Variants in LDB2 observed in about 807,000 individuals in gnomAD.
LDB2 encodes LIM domain binding 2, also known as LIM domain-binding protein 2.
LDB2 carries 12 observed loss-of-function variants against 44.3 expected under a neutral mutation model. The ratio of observed to expected loss-of-function variants is 0.27; its 90% CI spans 0.17 to 0.44. LDB2 has a LOEUF of 0.44. LDB2 is among the 20% of genes least tolerant of loss of function. The pLI, the probability that LDB2 is intolerant of heterozygous loss-of-function variation, is 1.00. For synonymous variants in LDB2, 164 were observed against 174.8 expected, an observed-to-expected ratio of 0.94 and a Z score of 0.49; for missense variants, 344 against 473.5, an observed-to-expected ratio of 0.73 and a Z score of 2.54.
intron 5 of LDB2, among the ~76,000 whole-genome samples, chr4:16,525,793 G>A (rs1180671902): frequency 6.6e-6 from 1 of 152,198 alleles, no homozygotes; most frequent in Non-Finnish European, 1.5e-5. Context: ...TAGGGAAGAG[G>A]GATATGAAAT....
chr4:16,756,923 A>T (rs1017397858), intron 2 of LDB2, among the ~76,000 whole-genome samples: 2 of 151,044 alleles, frequency 1.3e-5, no homozygotes, highest in African/African-American at 4.9e-5. Context: ...CAGCTAAAAT[A>T]TCTCTTATTA....
chr4:16,562,430 G>A (rs1237026938), intron 5 of LDB2, among the ~76,000 whole-genome samples: 1 of 152,184 alleles, frequency 6.6e-6, no homozygotes, highest in Non-Finnish European at 1.5e-5. Flanking sequence ...CTTCTCAAAA[G>A]AAGACATTTA....
chr4:16,617,291 A>G (rs965475887), intron 2 of LDB2, among the ~76,000 whole-genome samples: 1 of 152,078 alleles, frequency 6.6e-6, no homozygotes, highest in Non-Finnish European at 1.5e-5. Flanking sequence ...TGGAATACTG[A>G]AAACCCTCCC....
chr4:16,522,294 G>GTGTGTGTGTGTGTGTA (rs1553878174), intron 5 of LDB2, among the ~76,000 whole-genome samples: 2 of 152,012 alleles, frequency 1.3e-5, no homozygotes, highest in African/African-American at 2.4e-5. Context: ...GTGTGTGTGT[G>GTGTGTGTGTGTGTGTA]TGTATGTATG....
At chr4:16,546,044 A>G (rs536873072) in intron 5 of LDB2, among the ~76,000 whole-genome samples, 2 of 152,324 alleles carry the variant, frequency 1.3e-5, no homozygotes, top group Middle Eastern at 6.8e-3. Flanking sequence ...ATGCTCATGA[A>G]CCCATTTGTC....
intron 5 of LDB2, among the ~76,000 whole-genome samples, chr4:16,535,374 G>A (rs72619111): frequency 1.3e-5 from 2 of 152,162 alleles, no homozygotes; most frequent in South Asian, 4.2e-4. Flanking sequence ...TTGTTTCTTG[G>A]GTTCTTCAAT....
At chr4:16,868,383 G>T (rs1055282618) in intron 1 of LDB2, among the ~76,000 whole-genome samples, 2 of 152,118 alleles carry the variant, frequency 1.3e-5, no homozygotes, top group Non-Finnish European at 2.9e-5. Flanking sequence ...ATTAACATCT[G>T]CTGACGGGGG....
chr4:16,567,580 C>T (rs962229640), intron 5 of LDB2, among the ~76,000 whole-genome samples: 2 of 152,092 alleles, frequency 1.3e-5, no homozygotes, highest in Admixed American at 1.3e-4. Flanking sequence ...ACCATCCTGG[C>T]TAATGTGGTG....
chr4:16,566,471 A>G (rs1170628533), intron 5 of LDB2, among the ~76,000 whole-genome samples: 2 of 151,616 alleles, frequency 1.3e-5, no homozygotes, highest in Non-Finnish European at 2.9e-5. Context: ...TGTTTGGGCA[A>G]CTGAGTAACT....
rs1722212993 is a variant in LDB2 at position 16,887,864 on chromosome 4, A to G, written c.132+10490T>C. ...ATGTAATCCGAAGAATTCCTATTGA[A>G]TTCTTCAATAGGAATTCTTCAAATC... On this transcript the variant is annotated intron_variant, in intron 1 of 7. Transcript: ENST00000304523. Among the ~76,000 whole-genome samples, 6 of 152,146 alleles carry G rather than the reference A, an allele frequency of 3.9e-5. No individual in the cohort carries two copies. In the South Asian group the frequency reaches 1.2e-3, roughly 32 times the overall value.
At chr4:16,608,445 C>T (rs1724575954) in intron 2 of LDB2, among the ~76,000 whole-genome samples, 1 of 152,124 alleles carries the variant, frequency 6.6e-6, no homozygotes, top group Non-Finnish European at 1.5e-5. Context: ...CGGAACAGCC[C>T]AATTATACCC....
rs536986601 is a variant in LDB2 at position 16,508,648 on chromosome 4, T to G, written c.778A>C (p.Arg260=). The change falls in exon 7 of 8, where the codon AGG becomes CGG. Residue 260 remains arginine (R), a synonymous_variant. Transcript: ENST00000304523. ...GAAGTGCTGCTGGTGGAATTTTTCCTTTTTCTCCGTTTGGTTGTTGGTTGC... is the reference window on the plus strand; with the variant it reads ...GAAGTGCTGCTGGTGGAATTTTTCCGTTTTCTCCGTTTGGTTGTTGGTTGC... ...TRQPTTKRRK[R]KNSTSSTSNS... The G allele has an allele frequency of 1.2e-6, 2 of 1,613,694 alleles. No individual in the cohort carries two copies. The highest frequency in any genetic ancestry group is 2.2e-5 in the South Asian group (2 of 90,966).
At chr4:16,887,544 G>T (rs1268654317) in intron 1 of LDB2, among the ~76,000 whole-genome samples, 2 of 150,558 alleles carry the variant, frequency 1.3e-5, no homozygotes, top group African/African-American at 4.9e-5. Context: ...TTGTTTTTTT[G>T]TGTGTATTTC....
chr4:16,563,997 A>G (rs1358874828), intron 5 of LDB2, among the ~76,000 whole-genome samples: 1 of 152,200 alleles, frequency 6.6e-6, no homozygotes, highest in Non-Finnish European at 1.5e-5. Flanking sequence ...CCAATGCTGA[A>G]TGTTAGTTAA....
intron 1 of LDB2, among the ~76,000 whole-genome samples, chr4:16,869,663 T>A (rs79396142): frequency 6.6e-6 from 1 of 152,140 alleles, no homozygotes; most frequent in South Asian, 2.1e-4. Flanking sequence ...TCAAAACCAC[T>A]GCACCATGGG....
chr4:16,788,192 C>A (rs1579668026), intron 1 of LDB2, among the ~76,000 whole-genome samples: 1 of 152,188 alleles, frequency 6.6e-6, no homozygotes, highest in East Asian at 1.9e-4. Context: ...AGCCTTTCAC[C>A]TACGGCAAGA....
At chr4:16,738,126 G>A (rs1762272225) in intron 2 of LDB2, among the ~76,000 whole-genome samples, 4 of 152,162 alleles carry the variant, frequency 2.6e-5, no homozygotes, top group Non-Finnish European at 5.9e-5. Flanking sequence ...ACATGATTTA[G>A]GAGATCTATT....
intron 1 of LDB2, among the ~76,000 whole-genome samples, chr4:16,829,251 G>C (rs1783619171): frequency 6.6e-6 from 1 of 152,176 alleles, no homozygotes; most frequent in South Asian, 2.1e-4. Context: ...CTAAGCAAAA[G>C]CTTCATCACA....
chr4:16,534,509 G>C (rs1328997458), intron 5 of LDB2, among the ~76,000 whole-genome samples: 2 of 152,170 alleles, frequency 1.3e-5, no homozygotes. Context: ...GCTTATGCTA[G>C]TTCTGAGTAA....
Sources: allele counts gnomAD v4.1 joint callset (sites outside exome capture counted in the v4.1 genomes callset), GRCh38; gene constraint gnomAD v4.1.1; transcripts MANE v1.5; gene names NCBI Gene and HGNC (gene_info 2026-07-23, HGNC 2026-07-21).